The following CFAP58 variants were observed in gnomAD, a reference collection of about 807,000 sequenced individuals.
CFAP58 encodes cilia and flagella associated protein 58, also known as cilia- and flagella-associated protein 58.
A neutral mutation model predicts 119.5 loss-of-function variants in CFAP58; 88 were observed. That is an observed-to-expected ratio of 0.74 (90% CI 0.62 to 0.88). The LOEUF (loss-of-function observed/expected upper bound fraction) is 0.88. Among genes scored for constraint, CFAP58 ranks in the 40% least tolerant of loss-of-function variants. CFAP58 has a pLI of 0.00. For missense variants in CFAP58, 990 were observed against 1,021.2 expected (o/e 0.97, Z 0.42); for synonymous variants, 365 against 366.3 (o/e 1.00, Z 0.04).
chr10:104,449,299 C>G lies in CFAP58; in HGVS notation c.2377-772C>G, dbSNP rs557492610. 3.4e-4 allele frequency among the ~76,000 whole-genome samples: 51 copies of G among 152,150 alleles called. No homozygotes were observed. In the East Asian group the frequency reaches 9.5e-3, roughly 28 times the overall value. On this transcript the variant is annotated intron_variant, in intron 16 of 17. Coordinates refer to ENST00000369704, the MANE Select transcript of CFAP58 (RefSeq NM_001008723.2). ...AGAAGGCTAAGATCTCCCTTTTATGCAAATATTTAAAACAACAAGCAAGAG... is the reference window on the plus strand; with the variant it reads ...AGAAGGCTAAGATCTCCCTTTTATGGAAATATTTAAAACAACAAGCAAGAG...
At position 104,366,017 on chromosome 10, in the gene CFAP58, G is replaced by A. The variant is rs768692846; in HGVS notation, c.792+9G>A. On this transcript the variant is annotated intron_variant, in intron 5 of 17. Transcript: ENST00000369704. ...AGCTGAAGGAGCAGAAGGTGAGTTG[G>A]GTGTGGGTCTTCGCAAAAAACCAAG... 6.4e-7 allele frequency: 1 copy of A among 1,558,708 alleles called. No individual in the cohort carries two copies. The highest frequency in any genetic ancestry group is 1.2e-5 in the South Asian group (1 of 82,736).
At position 104,418,344 on chromosome 10, in the gene CFAP58, C is replaced by G. The variant is rs541214835; in HGVS notation, c.2256+11551C>G. ...CAGGTGGATCACGAGGTCAGGAGAT[C>G]GAGACCATCCTGGCTAACATGGTGA... On this transcript the variant is annotated intron_variant, in intron 15 of 17. Coordinates refer to ENST00000369704, the MANE Select transcript of CFAP58 (RefSeq NM_001008723.2). Among the ~76,000 whole-genome samples the G allele has an allele frequency of 2.0e-5, 3 of 152,226 alleles. No individual in the cohort carries two copies. In the East Asian group the frequency reaches 5.8e-4, roughly 29 times the overall value.
At chr10:104,441,026 A>G (rs114901614) in intron 15 of CFAP58, among the ~76,000 whole-genome samples, 2,909 of 152,260 alleles carry the variant, frequency 0.019, 91 homozygotes, top group African/African-American at 0.066. Flanking sequence ...GGGAGTGGAC[A>G]GAGTCTCATT....
intron 15 of CFAP58, among the ~76,000 whole-genome samples, chr10:104,417,303 G>A (rs904582560): frequency 3.3e-5 from 5 of 152,164 alleles, no homozygotes. Context: ...CATTTTATTA[G>A]CATCCTTTGG....
chr10:104,369,608 T>C (rs982778587), intron 6 of CFAP58, among the ~76,000 whole-genome samples: 3 of 152,170 alleles, frequency 2.0e-5, no homozygotes, highest in African/African-American at 7.2e-5. Flanking sequence ...GTCAAAATAA[T>C]GTATTAGCCC....
intron 11 of CFAP58, 73 bp downstream of exon 11, chr10:104,393,548 A>G: frequency 6.8e-7 from 1 of 1,466,548 alleles, no homozygotes; most frequent in Middle Eastern, 1.8e-4. Context: ...GTCTCACTGA[A>G]GGCAGCCAGG....
At chr10:104,426,263 C>T (rs2012743134) in intron 15 of CFAP58, among the ~76,000 whole-genome samples, 1 of 152,028 alleles carries the variant, frequency 6.6e-6, no homozygotes, top group Non-Finnish European at 1.5e-5. Flanking sequence ...CAAACAAGAC[C>T]AGCATAGGGG....
At chr10:104,402,468 G>A (rs150344470) in intron 13 of CFAP58, among the ~76,000 whole-genome samples, 5 of 152,290 alleles carry the variant, frequency 3.3e-5, no homozygotes, top group Non-Finnish European at 7.4e-5. Context: ...AGATGGCTTA[G>A]TATTAGTAAT....
chr10:104,377,139 G>A (rs2011689473), intron 8 of CFAP58, among the ~76,000 whole-genome samples: 1 of 152,228 alleles, frequency 6.6e-6, no homozygotes, highest in Admixed American at 6.5e-5. Flanking sequence ...AGCCAGGAGG[G>A]GATTTCAGAG....
At chr10:104,427,898 C>T (rs1238937930) in intron 15 of CFAP58, among the ~76,000 whole-genome samples, 2 of 152,114 alleles carry the variant, frequency 1.3e-5, no homozygotes, top group Non-Finnish European at 2.9e-5. Context: ...TTTGGCGTGA[C>T]CTTATCGTCT....
At chr10:104,362,294 G>T in intron 3 of CFAP58, 123 bp downstream of exon 3, 1 of 781,236 alleles carries the variant, frequency 1.3e-6, no homozygotes, top group African/African-American at 1.8e-5. Context: ...CTTCTTTATT[G>T]GGTTCTTAGA....
chr10:104,448,736 A>G (rs2013149265), intron 16 of CFAP58, among the ~76,000 whole-genome samples: 1 of 152,226 alleles, frequency 6.6e-6, no homozygotes, highest in Non-Finnish European at 1.5e-5. Context: ...TTAATTTTCA[A>G]TTTGTCACTC....
intron 15 of CFAP58, among the ~76,000 whole-genome samples, chr10:104,432,495 G>A (rs1463581833): frequency 2.0e-5 from 3 of 151,322 alleles, no homozygotes; most frequent in Non-Finnish European, 4.4e-5. Context: ...TAAAATGTGG[G>A]TGTAATAGGC....
At chr10:104,402,222 A>G (rs555863021) in intron 13 of CFAP58, among the ~76,000 whole-genome samples, 1 of 152,330 alleles carries the variant, frequency 6.6e-6, no homozygotes, top group Admixed American at 6.5e-5. Flanking sequence ...AAACAAATCA[A>G]TGTGCCTAGT....
intron 7 of CFAP58, among the ~76,000 whole-genome samples, chr10:104,375,975 ATGTTT>A (rs1564883982): frequency 2.0e-5 from 3 of 152,064 alleles, no homozygotes; most frequent in African/African-American, 4.8e-5. Context: ...AGGTTATAAA[ATGTTT>A]CTTATTGGAC....
chr10:104,445,705 G>T (rs1335642924), intron 15 of CFAP58, among the ~76,000 whole-genome samples: 1 of 152,194 alleles, frequency 6.6e-6, no homozygotes, highest in East Asian at 1.9e-4. Context: ...GATTCTTGGG[G>T]TATATCATCA....
chr10:104,388,769 C>A (rs1021413058), intron 9 of CFAP58, among the ~76,000 whole-genome samples: 1 of 152,096 alleles, frequency 6.6e-6, no homozygotes, highest in African/African-American at 2.4e-5. Flanking sequence ...TTCCTGTATG[C>A]GTTATTGATT....
chr10:104,424,682 A>G (rs1181760561), intron 15 of CFAP58, among the ~76,000 whole-genome samples: 2 of 152,182 alleles, frequency 1.3e-5, no homozygotes, highest in Non-Finnish European at 2.9e-5. Flanking sequence ...ACAATACACA[A>G]TGACACCTAA....
chr10:104,339,884 C>A, the CFAP58 span, among the ~76,000 whole-genome samples: 1 of 152,102 alleles, frequency 6.6e-6, no homozygotes, highest in South Asian at 2.1e-4. Context: ...GTTACTCACA[C>A]CCTCCGCAAA....
Sources: allele counts gnomAD v4.1 joint callset (sites outside exome capture counted in the v4.1 genomes callset), GRCh38; gene constraint gnomAD v4.1.1; transcripts MANE v1.5; gene names NCBI Gene and HGNC (gene_info 2026-07-23, HGNC 2026-07-21).